The following CCSER1 variants were observed in gnomAD, a reference collection of about 807,000 sequenced individuals.
The protein encoded by CCSER1 is serine-rich coiled-coil domain-containing protein 1.
A neutral mutation model predicts 82.0 loss-of-function variants in CCSER1; 41 were observed. That is an observed-to-expected ratio of 0.50 (90% CI 0.39 to 0.65). CCSER1 has a LOEUF of 0.65. Among genes scored for constraint, CCSER1 ranks in the 30% least tolerant of loss-of-function variants. The pLI, the probability that CCSER1 is intolerant of heterozygous loss-of-function variation, is 0.00. For synonymous variants in CCSER1, 414 were observed against 383.9 expected (o/e 1.08, Z -0.92); for missense variants, 1,119 against 1,064.2 (o/e 1.05, Z -0.72).
chr4:91,423,289 G>T (rs1386611951), intron 10 of CCSER1, among the ~76,000 whole-genome samples: 1 of 151,720 alleles, frequency 6.6e-6, no homozygotes, highest in Non-Finnish European at 1.5e-5. Flanking sequence ...AATTAGCCAG[G>T]CATGATGGAA....
chr4:91,300,268 A>T lies in CCSER1; in HGVS notation c.2217+214274A>T, dbSNP rs35524320. 2.0e-5 allele frequency among the ~76,000 whole-genome samples: 3 copies of T among 152,018 alleles called. No individual in the cohort carries two copies. In the East Asian group the frequency reaches 5.8e-4, roughly 30 times the overall value. On this transcript the variant is annotated intron_variant, in intron 10 of 10. Coordinates refer to ENST00000509176, the MANE Select transcript of CCSER1 (RefSeq NM_001145065.2). ...TCTGCTGTGGGAACAGCTTTTTGATAATGGGAATTTTATAAAAATGGTTTA... is the reference window on the plus strand; with the variant it reads ...TCTGCTGTGGGAACAGCTTTTTGATTATGGGAATTTTATAAAAATGGTTTA...
intron 10 of CCSER1, among the ~76,000 whole-genome samples, chr4:91,590,720 A>G (rs563632481): frequency 6.6e-6 from 1 of 152,212 alleles, no homozygotes; most frequent in Non-Finnish European, 1.5e-5. Flanking sequence ...AAATGCTTTC[A>G]TTGTGTATTA....
chr4:90,370,666 A>T (rs975932683), intron 3 of CCSER1, among the ~76,000 whole-genome samples: 14 of 152,038 alleles, frequency 9.2e-5, no homozygotes, highest in African/African-American at 3.1e-4. Context: ...ATATTCTTTT[A>T]AGAAAGCTCA....
chr4:91,232,289 GT>G (rs1322255590), intron 10 of CCSER1, among the ~76,000 whole-genome samples: 4 of 151,836 alleles, frequency 2.6e-5, no homozygotes, highest in Admixed American at 2.6e-4. Context: ...TCAGTGTTGT[GT>G]TTATCTACAA....
intron 10 of CCSER1, among the ~76,000 whole-genome samples, chr4:91,142,979 T>C (rs1729182490): frequency 6.6e-6 from 1 of 152,124 alleles, no homozygotes; most frequent in South Asian, 2.1e-4. Context: ...TTTGGTTCTA[T>C]CTGAATTTTA....
chr4:91,510,656 T>A (rs1048856622), intron 10 of CCSER1, among the ~76,000 whole-genome samples: 1 of 152,170 alleles, frequency 6.6e-6, no homozygotes, highest in Non-Finnish European at 1.5e-5. Context: ...ATGTCATTTG[T>A]TCACTTTTTA....
intron 10 of CCSER1, among the ~76,000 whole-genome samples, chr4:91,357,543 A>T (rs1026642986): frequency 2.0e-5 from 3 of 152,032 alleles, no homozygotes; most frequent in African/African-American, 7.2e-5. Flanking sequence ...TAAAACAATA[A>T]TTTTTTTAAC....
rs535773629 is a variant in CCSER1, at chr4:90,342,183, C to G, written c.1509+29136C>G. On this transcript the variant is annotated intron_variant, in intron 3 of 10. Coordinates refer to ENST00000509176, the MANE Select transcript of CCSER1 (RefSeq NM_001145065.2). ...GAGGGATATACAAAGAGAGAACATG[C>G]TTATTTTCTGGTTTCTTTAGTCCAA... Among the ~76,000 whole-genome samples the G allele has an allele frequency of 3.2e-4, 49 of 152,194 alleles. 1 individual carries two copies. The highest frequency in any genetic ancestry group is 1.1e-3 in the African/African-American group (46 of 41,532).
intron 8 of CCSER1, among the ~76,000 whole-genome samples, chr4:90,898,480 G>A (rs28872230): frequency 0.32 from 46,864 of 148,350 alleles, 7,924 homozygotes; most frequent in Non-Finnish European, 0.39. Context: ...TAGAGACGGG[G>A]TTTCACTATG....
At chr4:91,568,440 T>G (rs1763001932) in intron 10 of CCSER1, among the ~76,000 whole-genome samples, 1 of 152,160 alleles carries the variant, frequency 6.6e-6, no homozygotes, top group Non-Finnish European at 1.5e-5. Flanking sequence ...CTGAATTATG[T>G]TTTCCAAGTT....
intron 5 of CCSER1, among the ~76,000 whole-genome samples, chr4:90,481,437 T>C (rs948502216): frequency 6.6e-6 from 1 of 152,174 alleles, no homozygotes; most frequent in African/African-American, 2.4e-5. Context: ...GAGGGCATCC[T>C]TGTCTTGTGC....
intron 7 of CCSER1, among the ~76,000 whole-genome samples, chr4:90,795,645 T>C (rs530850557): frequency 6.6e-6 from 1 of 152,320 alleles, no homozygotes; most frequent in African/African-American, 2.4e-5. Context: ...CATAGATGGC[T>C]CCTATTATTT....
rs1359343765 is a variant in CCSER1 at position 91,599,595 on chromosome 4, T to G, written c.*538T>G. Reference sequence around the variant, plus strand: ...CTTGCATGTAACCTAGAGATGTGTTTGTCTCTATTACATACATTCAAGCTC... The same window carrying G: ...CTTGCATGTAACCTAGAGATGTGTTGGTCTCTATTACATACATTCAAGCTC... On this transcript the variant is annotated 3_prime_UTR_variant, in exon 11 of 11. Transcript: ENST00000509176. The G allele has an allele frequency of 6.6e-6, 1 of 152,256 alleles. No individual in the cohort carries two copies. The highest frequency in any genetic ancestry group is 1.9e-4 in the East Asian group (1 of 5,190). The allele number at this position is 152,256 out of a possible 1,614,324, so 9.4% of individuals were successfully genotyped here.
intron 8 of CCSER1, among the ~76,000 whole-genome samples, chr4:90,868,327 T>C (rs1442670526): frequency 1.3e-5 from 2 of 151,954 alleles, no homozygotes; most frequent in Non-Finnish European, 2.9e-5. Context: ...TAAACATCCC[T>C]TTTTCCCCCA....
intron 9 of CCSER1, among the ~76,000 whole-genome samples, chr4:90,984,939 A>C (rs567685486): frequency 1.3e-3 from 197 of 151,768 alleles, no homozygotes; most frequent in Non-Finnish European, 1.4e-3. Flanking sequence ...TTATTTCCAG[A>C]CACTGCCCCC....
intron 10 of CCSER1, among the ~76,000 whole-genome samples, chr4:91,187,544 GTTT>G (rs35557731): frequency 6.6e-6 from 1 of 150,750 alleles, no homozygotes; most frequent in Non-Finnish European, 1.5e-5. Flanking sequence ...CAATAAATTT[GTTT>G]TTTTTTTAAT....
intron 10 of CCSER1, among the ~76,000 whole-genome samples, chr4:91,238,650 A>G (rs1460362061): frequency 6.6e-6 from 1 of 152,178 alleles, no homozygotes; most frequent in East Asian, 1.9e-4. Flanking sequence ...ATTTAAGGTC[A>G]TCAATGAAGA....
chr4:90,625,489 C>A (rs779708350), intron 5 of CCSER1, among the ~76,000 whole-genome samples: 3 of 152,124 alleles, frequency 2.0e-5, no homozygotes, highest in Non-Finnish European at 4.4e-5. Context: ...CTGTTTCAAC[C>A]TAATTAAGAA....
intron 9 of CCSER1, among the ~76,000 whole-genome samples, chr4:90,953,223 C>A (rs560346653): frequency 8.9e-4 from 135 of 151,892 alleles, no homozygotes; most frequent in African/African-American, 3.1e-3. Flanking sequence ...TGGCAAAGTT[C>A]TGATATAAAT....
Sources: allele counts gnomAD v4.1 joint callset (sites outside exome capture counted in the v4.1 genomes callset), GRCh38; gene constraint gnomAD v4.1.1; transcripts MANE v1.5; gene names NCBI Gene and HGNC (gene_info 2026-07-23, HGNC 2026-07-21).